The following PPFIA3 variants were observed in gnomAD, a reference collection of about 807,000 sequenced individuals.
PPFIA3 encodes the protein liprin-alpha-3.
A neutral mutation model predicts 145.8 loss-of-function variants in PPFIA3; 26 were observed. The observed-to-expected ratio is 0.18, with a 90% confidence interval of 0.13 to 0.25. The LOEUF (loss-of-function observed/expected upper bound fraction) is 0.25, where lower values mean the gene tolerates loss of function less well. PPFIA3 is among the 10% of genes least tolerant of loss of function. The pLI is 1.00. For missense variants in PPFIA3, 1,008 were observed against 1,587.8 expected, an observed-to-expected ratio of 0.63 and a Z score of 6.21; for synonymous variants, 645 against 661.4, an observed-to-expected ratio of 0.98 and a Z score of 0.38.
rs747665100 is a variant in PPFIA3, at chr19:49,130,540, C to T, written c.820C>T (p.His274Tyr). 38 of 1,578,648 alleles carry T rather than the reference C, an allele frequency of 2.4e-5. No individual in the cohort carries two copies. Among genetic ancestry groups the T allele is most frequent in the Non-Finnish European group, 2.8e-5 (32 of 1,163,210 alleles). The change falls in exon 7 of 30, where the codon CAC (histidine) becomes TAC (tyrosine). Residue 274 changes from histidine to tyrosine, a missense_variant. Transcript: ENST00000334186. The surrounding 1 kb of genome is among the most constrained non-coding windows in gnomAD (Gnocchi z 4.5). ...SQLEEELGTA[H>Y]RELGKAEEAN... ...GCTGGAGGAGGAGTTGGGCACCGCGCACCGTGAGCTGGGCAAGGCAGAGGA... is the reference window on the plus strand; with the variant it reads ...GCTGGAGGAGGAGTTGGGCACCGCGTACCGTGAGCTGGGCAAGGCAGAGGA...
Position 49,133,175 on chromosome 19 carries a change from G to T in PPFIA3, c.1026+28G>T. ...GGGGGCGCGGCCGGGAGGGGCGATGGGGGCGGTGCCGGGGCCCAAGTGACC... is the reference window on the plus strand; with the variant it reads ...GGGGGCGCGGCCGGGAGGGGCGATGTGGGCGGTGCCGGGGCCCAAGTGACC... On this transcript the variant is annotated intron_variant, in intron 8 of 29. Coordinates refer to ENST00000334186, the MANE Select transcript of PPFIA3 (RefSeq NM_003660.4). The surrounding 1 kb of genome is among the most constrained non-coding windows in gnomAD (Gnocchi z 7.2). The T allele has an allele frequency of 1.3e-6, 2 of 1,585,546 alleles. No homozygotes were observed. The highest frequency in any genetic ancestry group is 1.7e-6 in the Non-Finnish European group (2 of 1,164,650).
At chr19:49,119,936 G>A (rs2040913763) in intron 1 of PPFIA3, among the ~76,000 whole-genome samples, 1 of 151,772 alleles carries the variant, frequency 6.6e-6, no homozygotes, top group South Asian at 2.1e-4. Context: ...GCCGCCTCGC[G>A]CCTCCTCCAG....
rs144511983 is a variant in PPFIA3, at chr19:49,130,155, G to C, written c.657+88G>C. 3 of 1,399,672 alleles carry C rather than the reference G, an allele frequency of 2.1e-6. No individual in the cohort carries two copies. The East Asian group carries it at 7.0e-5, about 33-fold the overall frequency. The allele number at this position is 1,399,672 out of a possible 1,614,324, so 86.7% of individuals were successfully genotyped here. A position where few individuals can be genotyped will look rare whatever the true frequency, so the allele number is the denominator to read the frequency against. ...TGTAACGTTTGGTATCATCCTCACT[G>C]GCCCTAAGACGGCTGCACCTGTAAG... On this transcript the variant is annotated intron_variant, in intron 6 of 29. Coordinates refer to ENST00000334186, the MANE Select transcript of PPFIA3 (RefSeq NM_003660.4). The surrounding 1 kb of genome is among the most constrained non-coding windows in gnomAD (Gnocchi z 4.5).
intron 18 of PPFIA3, among the ~76,000 whole-genome samples, chr19:49,140,577 C>T (rs2122614659): frequency 6.7e-6 from 1 of 150,096 alleles, no homozygotes; most frequent in Middle Eastern, 3.6e-3. Context: ...TCTTGAACTC[C>T]TGACCTCAGA....
chr19:49,148,275 C>T lies in PPFIA3; in HGVS notation c.3011+17C>T. ...CTTTCACAGGTGGGGGCTGCCTGGC[C>T]AGTGGGGACAGTCCAAAGGGAAGCC... On this transcript the variant is annotated intron_variant, in intron 24 of 29. Transcript: ENST00000334186. The T allele has an allele frequency of 1.2e-6, 2 of 1,609,522 alleles. No individual in the cohort carries two copies. The highest frequency in any genetic ancestry group is 1.7e-6 in the Non-Finnish European group (2 of 1,177,444).
At chr19:49,129,509 T>G in intron 5 of PPFIA3, 55 bp downstream of exon 5, 1 of 1,536,428 alleles carries the variant, frequency 6.5e-7, no homozygotes, top group Admixed American at 2.0e-5. Flanking sequence ...GCTAAGGGGC[T>G]GCCCACGGGG....
In PPFIA3 at chr19:49,128,119, G is replaced by C; in HGVS notation, c.240+6G>C. The C allele has an allele frequency of 6.5e-7, 1 of 1,533,424 alleles. No homozygotes were observed. The highest frequency in any genetic ancestry group is 8.7e-7 in the Non-Finnish European group (1 of 1,146,876). The allele number at this position is 1,533,424 out of a possible 1,614,324, so 95.0% of individuals were successfully genotyped here. On this transcript the variant is annotated splice_donor_region_variant and intron_variant, in intron 2 of 29. Transcript: ENST00000334186. This position sits in a 1 kb window ranked among gnomAD's most constrained non-coding sequence, Gnocchi z 4.1. ...TCAGCATCGCGCTGCCCCAGGTCTGGGCGGGACAGGGGCGGGGCATGAGGG... is the reference window on the plus strand; with the variant it reads ...TCAGCATCGCGCTGCCCCAGGTCTGCGCGGGACAGGGGCGGGGCATGAGGG...
chr19:49,142,747 C>T, intron 20 of PPFIA3, 57 bp from the exon 21 acceptor site: 1 of 1,527,230 alleles, frequency 6.5e-7, no homozygotes, highest in Admixed American at 1.7e-5. Flanking sequence ...CCCATCTCTC[C>T]GATTTTCTCC....
At position 49,130,642 on chromosome 19, in the gene PPFIA3, T is replaced by G. The variant is rs2041058253; in HGVS notation, c.879+43T>G. The G allele has an allele frequency of 2.7e-6, 4 of 1,503,904 alleles. No individual in the cohort carries two copies. Among genetic ancestry groups the G allele is most frequent in the Middle Eastern group, 2.3e-4 (1 of 4,262 alleles). The allele number at this position is 1,503,904 out of a possible 1,614,324, so 93.2% of individuals were successfully genotyped here. On this transcript the variant is annotated intron_variant, in intron 7 of 29. Transcript: ENST00000334186. The surrounding 1 kb of genome is among the most constrained non-coding windows in gnomAD (Gnocchi z 4.5). The stretch of plus-strand genomic sequence containing the variant: ...GCGGGCTGCCCTGGGTCCCTCGCCT[T>G]TCCGTAGAGCTCTCCCTCGCGCATT...
intron 18 of PPFIA3, among the ~76,000 whole-genome samples, chr19:49,140,682 T>A (rs555721208): frequency 1.2e-4 from 15 of 126,076 alleles, no homozygotes; most frequent in African/African-American, 4.2e-4. Context: ...GGAGACGGAG[T>A]CTTGCTCTGT....
intron 1 of PPFIA3, among the ~76,000 whole-genome samples, chr19:49,122,720 T>G (rs1418164522): frequency 1.3e-5 from 2 of 149,054 alleles, no homozygotes; most frequent in African/African-American, 4.9e-5. Context: ...AGTTGTTTTT[T>G]TTTTTTTTTT....
intron 1 of PPFIA3, among the ~76,000 whole-genome samples, chr19:49,126,362 C>T (rs2040998826): frequency 6.6e-6 from 1 of 152,050 alleles, no homozygotes; most frequent in Admixed American, 6.6e-5. Flanking sequence ...GATTCTTGTG[C>T]CTCAGCCTCC....
At chr19:49,144,932 C>CTT (rs1228634412) in intron 21 of PPFIA3, among the ~76,000 whole-genome samples, 1,733 of 136,392 alleles carry the variant, frequency 0.013, 17 homozygotes, top group African/African-American at 0.019. Context: ...TCTTTTCTTT[C>CTT]TTTTTTTTTT....
At chr19:49,131,375 G>A (rs1351027187) in intron 7 of PPFIA3, among the ~76,000 whole-genome samples, 1 of 145,068 alleles carries the variant, frequency 6.9e-6, no homozygotes, top group East Asian at 2.0e-4. Context: ...AGTAGAAATG[G>A]GGTTTCACTA....
intron 20 of PPFIA3, 66 bp downstream of exon 20, chr19:49,142,181 G>T: frequency 6.9e-7 from 1 of 1,440,320 alleles, no homozygotes. Flanking sequence ...ACTGGTAGGG[G>T]CTGCCTGGTC....
At position 49,130,637 on chromosome 19, in the gene PPFIA3, C is replaced by T; in HGVS notation, c.879+38C>T. The T allele has an allele frequency of 5.9e-6, 9 of 1,521,466 alleles. No homozygotes were observed. Among genetic ancestry groups the T allele is most frequent in the Non-Finnish European group, 8.0e-6 (9 of 1,126,758 alleles). The allele number at this position is 1,521,466 out of a possible 1,614,324, so 94.2% of individuals were successfully genotyped here. A position where few individuals can be genotyped will look rare whatever the true frequency, so the allele number is the denominator to read the frequency against. On this transcript the variant is annotated intron_variant, in intron 7 of 29. Coordinates refer to ENST00000334186, the MANE Select transcript of PPFIA3 (RefSeq NM_003660.4). The surrounding 1 kb of genome is among the most constrained non-coding windows in gnomAD (Gnocchi z 4.5). ...GGGAGGCGGGCTGCCCTGGGTCCCT[C>T]GCCTTTCCGTAGAGCTCTCCCTCGC... is the stretch of plus-strand genomic sequence containing the variant.
At chr19:49,129,903 G>T in intron 5 of PPFIA3, 90 bp from the exon 6 acceptor site, 1 of 1,395,650 alleles carries the variant, frequency 7.2e-7, no homozygotes, top group Non-Finnish European at 1.0e-6. Flanking sequence ...ATATGGGGCC[G>T]CCTATCCCCT....
At chr19:49,148,465 C>A in intron 24 of PPFIA3, 1 of 743,132 alleles carries the variant, frequency 1.3e-6, no homozygotes, top group Non-Finnish European at 2.2e-6. Flanking sequence ...GGCTAGTTAA[C>A]CCTGGACCCC....
chr19:49,150,180 G>T (rs1423270458), intron 29 of PPFIA3, 29 bp downstream of exon 29: 3 of 1,573,460 alleles, frequency 1.9e-6, no homozygotes, highest in Admixed American at 1.8e-5. Flanking sequence ...GACCTTGGGG[G>T]TGCGGGGCGG....
Sources: allele counts gnomAD v4.1 joint callset (sites outside exome capture counted in the v4.1 genomes callset), GRCh38; gene constraint gnomAD v4.1.1; non-coding constraint Gnocchi (gnomAD v3.1); transcripts MANE v1.5; gene names NCBI Gene and HGNC (gene_info 2026-07-23, HGNC 2026-07-21).